DENND5A: variants seen among roughly 807,000 people sequenced by gnomAD.
DENND5A encodes the protein DENN domain-containing protein 5A.
Under a neutral mutation model 140.3 loss-of-function variants are expected in DENND5A, and 64 were observed. The observed-to-expected ratio is 0.46, with a 90% CI of 0.37 to 0.56. DENND5A has a LOEUF of 0.56. Among genes scored for constraint, DENND5A ranks in the 20% least tolerant of loss-of-function variants. The pLI, the probability that DENND5A is intolerant of heterozygous loss-of-function variation, is 0.00. For synonymous variants in DENND5A, 605 were observed against 607.7 expected, an observed-to-expected ratio of 1.00 and a Z score of 0.07; for missense variants, 1,292 against 1,593.8, an observed-to-expected ratio of 0.81 and a Z score of 3.22.
intron 1 of DENND5A, among the ~76,000 whole-genome samples, chr11:9,259,500 A>G (rs1478389242): frequency 6.6e-6 from 1 of 152,008 alleles, no homozygotes; most frequent in Non-Finnish European, 1.5e-5. Flanking sequence ...CGGGAGGCGG[A>G]GTTTGCAGTG....
At chr11:9,210,908 T>TA (rs1428146011) in intron 1 of DENND5A, among the ~76,000 whole-genome samples, 1 of 152,252 alleles carries the variant, frequency 6.6e-6, no homozygotes, top group Non-Finnish European at 1.5e-5. Context: ...AAATTGATTT[T>TA]ATCAACAGAA....
In DENND5A at chr11:9,144,382, G is replaced by C. The variant is rs1590203408; in HGVS notation, c.3123-104C>G. ...CCCTGGAGATAGGCTCTGAAACCAGGATAGAGACTCCTTCAATGCTCTGCT... is the reference window on the plus strand; with the variant it reads ...CCCTGGAGATAGGCTCTGAAACCAGCATAGAGACTCCTTCAATGCTCTGCT... On this transcript the variant is annotated intron_variant, in intron 18 of 22. Transcript: ENST00000328194. 39 of 1,087,482 alleles carry C rather than the reference G, an allele frequency of 3.6e-5. No individual in the cohort carries two copies. The East Asian group carries it at 9.8e-4, about 27-fold the overall frequency. The allele number at this position is 1,087,482 out of a possible 1,614,324, so 67.4% of individuals were successfully genotyped here. A position where few individuals can be genotyped will look rare whatever the true frequency, so the allele number is the denominator to read the frequency against.
intron 1 of DENND5A, among the ~76,000 whole-genome samples, chr11:9,210,771 A>G (rs577970467): frequency 5.6e-4 from 86 of 152,318 alleles, no homozygotes; most frequent in Admixed American, 2.0e-3. Context: ...GGGCTTACGC[A>G]ATCCTCTGAC....
intron 1 of DENND5A, among the ~76,000 whole-genome samples, chr11:9,230,230 CTTTTTTTTTTTTTTTT>C (rs71062817): frequency 1.9e-5 from 1 of 52,060 alleles, no homozygotes; most frequent in Non-Finnish European, 3.2e-5. Flanking sequence ...AAAACTAATG[CTTTTTTTTTTTTTTTT>C]TTTTTTTTTT....
intron 1 of DENND5A, among the ~76,000 whole-genome samples, chr11:9,251,991 GA>G (rs1277734538): frequency 1.6e-5 from 2 of 123,608 alleles, no homozygotes; most frequent in Non-Finnish European, 3.4e-5. Context: ...TCTGTCTCGC[GA>G]AAAAAAAGAA....
intron 1 of DENND5A, among the ~76,000 whole-genome samples, chr11:9,258,400 G>C (rs1852045275): frequency 6.6e-6 from 1 of 151,188 alleles, no homozygotes; most frequent in Non-Finnish European, 1.5e-5. Context: ...TCTTGTGATA[G>C]TTTGCTGAGA....
chr11:9,250,452 G>T (rs773295492), intron 1 of DENND5A, among the ~76,000 whole-genome samples: 2 of 152,108 alleles, frequency 1.3e-5, no homozygotes, highest in Non-Finnish European at 2.9e-5. Flanking sequence ...ATGTGGGCTG[G>T]AGACTGAACC....
Position 9,143,449 on chromosome 11 carries a change from T to C in DENND5A, c.3341A>G (p.Glu1114Gly), listed in dbSNP as rs1398503997. 1 of 1,614,192 alleles carries C rather than the reference T, an allele frequency of 6.2e-7. No individual in the cohort carries two copies. Among genetic ancestry groups the C allele is most frequent in the Non-Finnish European group, 8.5e-7 (1 of 1,180,016 alleles). ...NTGQIQESIGEAVNGIVKHFH... is the reference protein window; with the variant it reads ...NTGQIQESIGGAVNGIVKHFH... The stretch of plus-strand genomic sequence containing the variant: ...GTGCTTCACAATGCCATTGACTGCC[T>C]CCCCGATGGACTCCTGGATCTGCCC... The change falls in exon 20 of 23, where the codon GAG (glutamate) becomes GGG (glycine). Residue 1114 changes from glutamate (E) to glycine (G), a missense_variant. By Grantham distance (98) the Glu-to-Gly change is moderately conservative. Transcript: ENST00000328194.
intron 8 of DENND5A, among the ~76,000 whole-genome samples, chr11:9,176,481 G>C (rs1167801593): frequency 6.6e-6 from 1 of 152,174 alleles, no homozygotes; most frequent in African/African-American, 2.4e-5. Flanking sequence ...TGAGTCCTCT[G>C]AACAAAAGGA....
intron 6 of DENND5A, among the ~76,000 whole-genome samples, chr11:9,179,609 C>A (rs1321960608): frequency 6.6e-6 from 1 of 151,776 alleles, no homozygotes; most frequent in Non-Finnish European, 1.5e-5. Context: ...AAGTGATTCT[C>A]CTACCTCACC....
At chr11:9,169,175 A>G (rs1848284708) in intron 10 of DENND5A, among the ~76,000 whole-genome samples, 1 of 152,230 alleles carries the variant, frequency 6.6e-6, no homozygotes, top group South Asian at 2.1e-4. Context: ...GGCTGGGCGC[A>G]GTAGCTCACA....
intron 1 of DENND5A, among the ~76,000 whole-genome samples, chr11:9,260,115 C>G (rs1014116237): frequency 6.6e-6 from 1 of 151,906 alleles, no homozygotes; most frequent in African/African-American, 2.4e-5. Context: ...TGGCCAGTTT[C>G]CCATCTATCC....
intron 5 of DENND5A, among the ~76,000 whole-genome samples, chr11:9,187,098 GAAGA>G (rs757392149): frequency 2.6e-5 from 4 of 152,020 alleles, no homozygotes; most frequent in Middle Eastern, 3.2e-3. Context: ...AAAAAAAAGA[GAAGA>G]AAGAATTGAG....
chr11:9,247,021 G>T (rs754548950), intron 1 of DENND5A, among the ~76,000 whole-genome samples: 10 of 152,142 alleles, frequency 6.6e-5, no homozygotes, highest in Non-Finnish European at 2.9e-5. Flanking sequence ...ACGAGGTCAG[G>T]AGATCGAGAC....
intron 15 of DENND5A, among the ~76,000 whole-genome samples, chr11:9,149,281 A>G (rs889199588): frequency 1.3e-5 from 2 of 152,162 alleles, no homozygotes; most frequent in African/African-American, 4.8e-5. Flanking sequence ...ATCAAGATAT[A>G]CTCTTCATAG....
chr11:9,156,807 A>G (rs1847818073), intron 12 of DENND5A, among the ~76,000 whole-genome samples: 1 of 148,634 alleles, frequency 6.7e-6, no homozygotes, highest in South Asian at 2.2e-4. Context: ...CGAAGGAAAG[A>G]GAGAAGGGGA....
At chr11:9,253,303 A>G (rs2136294166) in intron 1 of DENND5A, among the ~76,000 whole-genome samples, 1 of 152,328 alleles carries the variant, frequency 6.6e-6, no homozygotes, top group Admixed American at 6.5e-5. Context: ...GGAAGGAAGG[A>G]AGGGCTGAGC....
At chr11:9,174,687 G>T (rs181544279) in intron 8 of DENND5A, among the ~76,000 whole-genome samples, 1 of 151,596 alleles carries the variant, frequency 6.6e-6, no homozygotes, top group Non-Finnish European at 1.5e-5. Flanking sequence ...GCAACAGAGC[G>T]AGACCCCATC....
chr11:9,160,910 G>T (rs1847961612), intron 11 of DENND5A, 45 bp from the exon 12 acceptor site: 2 of 1,595,398 alleles, frequency 1.3e-6, no homozygotes, highest in African/African-American at 2.7e-5. Context: ...CAGTGAGCAG[G>T]ATTACATACA....
Sources: gnomAD v4.1 joint callset for allele counts (sites outside exome capture counted in the v4.1 genomes callset) on GRCh38, gnomAD v4.1.1 for gene constraint, MANE v1.5 for transcripts, NCBI Gene and HGNC (gene_info 2026-07-23, HGNC 2026-07-21) for gene names.